The following SLC10A6 variants were observed in gnomAD, a reference collection of about 807,000 sequenced individuals.
The protein encoded by SLC10A6 is solute carrier family 10 member 6.
In SLC10A6, 27 loss-of-function variants were observed where a neutral mutation model predicts 30.0. The observed-to-expected ratio is 0.90, with a 90% CI of 0.66 to 1.24. The LOEUF is 1.24. Among genes scored for constraint, SLC10A6 ranks in the 50% most tolerant of loss-of-function variants. SLC10A6 has a pLI of 0.00. For missense variants in SLC10A6, 439 were observed against 457.0 expected, an observed-to-expected ratio of 0.96 and a Z score of 0.36; for synonymous variants, 166 against 173.8, an observed-to-expected ratio of 0.95 and a Z score of 0.36.
chr4:86,831,646 T>C, intron 3 of SLC10A6, 146 bp downstream of exon 3: 1 of 676,892 alleles, frequency 1.5e-6, no homozygotes. Flanking sequence ...ATATGATCCC[T>C]GGATCCAAAA....
rs116758354 is a variant in SLC10A6, at chr4:86,841,295, G to C, written c.377+7444C>G. Among the ~76,000 whole-genome samples the C allele has an allele frequency of 4.8e-3, 728 of 152,308 alleles. 4 individuals carry two copies. The highest frequency in any genetic ancestry group is 8.3e-3 in the Non-Finnish European group (566 of 68,022). On this transcript the variant is annotated intron_variant, in intron 1 of 5. Transcript: ENST00000273905. ...TTTATACAATTTTCAAGCCCATGGT[G>C]ATCATGATATTGGTCAAGGATGGCA... is the stretch of plus-strand genomic sequence containing the variant.
At chr4:86,823,946 G>A in intron 5 of SLC10A6, 44 bp from the exon 6 acceptor site, 1 of 1,534,772 alleles carries the variant, frequency 6.5e-7, no homozygotes, top group African/African-American at 1.4e-5. Flanking sequence ...CTTTAACAAA[G>A]AGTCTAATTT....
chr4:86,831,791 C>A lies in SLC10A6; in HGVS notation c.585+1G>T, dbSNP rs1347662408. 1 of 1,611,774 alleles carries A rather than the reference C, an allele frequency of 6.2e-7. No homozygotes were observed. The highest frequency in any genetic ancestry group is 1.7e-5 in the Admixed American group (1 of 59,936). On this transcript the variant is annotated splice_donor_variant, in intron 3 of 5. Transcript: ENST00000273905. LOFTEE classifies it high-confidence loss of function. ...CCAACAGTGGCCATGAAGTCACTCACCTTGAGAATGATTTTGGATTGTTTT... is the reference window on the plus strand; with the variant it reads ...CCAACAGTGGCCATGAAGTCACTCAACTTGAGAATGATTTTGGATTGTTTT...
chr4:86,835,062 T>G (rs1354732609), intron 1 of SLC10A6, among the ~76,000 whole-genome samples: 2 of 152,142 alleles, frequency 1.3e-5, no homozygotes, highest in African/African-American at 4.8e-5. Flanking sequence ...GGAATCACAT[T>G]TCAACATGAG....
chr4:86,838,646 G>A (rs964196270), intron 1 of SLC10A6, among the ~76,000 whole-genome samples: 1 of 152,072 alleles, frequency 6.6e-6, no homozygotes, highest in African/African-American at 2.4e-5. Context: ...CTCCCAGCAG[G>A]GCATGGTGGC....
chr4:86,823,942 C>T (rs372175344), intron 5 of SLC10A6, 40 bp from the exon 6 acceptor site: 11 of 1,540,708 alleles, frequency 7.1e-6, no homozygotes, highest in Non-Finnish European at 9.7e-6. Flanking sequence ...ATCACTTTAA[C>T]AAAGAGTCTA....
At position 86,837,327 on chromosome 4, in the gene SLC10A6, A is replaced by G. The variant is rs960867407; in HGVS notation, c.378-3903T>C. 1.1e-3 allele frequency among the ~76,000 whole-genome samples: 145 copies of G among 131,572 alleles called. 18 individuals are homozygous for G. In the East Asian group the frequency reaches 0.022, roughly 20 times the overall value. The allele number at this position is 131,572 out of a possible 152,430, so 86.3% of individuals were successfully genotyped here. Reference sequence around the variant, plus strand: ...GAAGGAAGGAAGGAAGGAAGGAAGGAAGGAAGGAAGGAAGGAAGGCAGGCA... The same window carrying G: ...GAAGGAAGGAAGGAAGGAAGGAAGGGAGGAAGGAAGGAAGGAAGGCAGGCA... On this transcript the variant is annotated intron_variant, in intron 1 of 5. Transcript: ENST00000273905.
chr4:86,826,412 C>CTACCAA (rs1746001038), intron 4 of SLC10A6, among the ~76,000 whole-genome samples: 1 of 152,046 alleles, frequency 6.6e-6, no homozygotes, highest in Non-Finnish European at 1.5e-5. Flanking sequence ...AACCCTGTCC[C>CTACCAA]TACCAAAAAT....
At chr4:86,840,032 CT>C (rs1746265453) in intron 1 of SLC10A6, among the ~76,000 whole-genome samples, 1 of 151,396 alleles carries the variant, frequency 6.6e-6, no homozygotes, top group African/African-American at 2.4e-5. Flanking sequence ...GCCCCAGCCT[CT>C]GGAATAGGTG....
intron 1 of SLC10A6, among the ~76,000 whole-genome samples, chr4:86,835,413 T>C (rs1297096733): frequency 2.6e-5 from 4 of 152,152 alleles, no homozygotes; most frequent in Non-Finnish European, 5.9e-5. Context: ...ATGCCTGTAA[T>C]CCCAGCACTT....
intron 1 of SLC10A6, among the ~76,000 whole-genome samples, chr4:86,846,389 C>T (rs898194943): frequency 2.0e-5 from 3 of 151,624 alleles, no homozygotes; most frequent in Non-Finnish European, 4.4e-5. Flanking sequence ...ACTCTGAATA[C>T]ACACACACAC....
At chr4:86,829,831 G>A (rs1410093020) in intron 3 of SLC10A6, among the ~76,000 whole-genome samples, 1 of 152,022 alleles carries the variant, frequency 6.6e-6, no homozygotes, top group Non-Finnish European at 1.5e-5. Flanking sequence ...AAAGAAAAGA[G>A]TTTTAAATTT....
intron 1 of SLC10A6, among the ~76,000 whole-genome samples, chr4:86,843,810 T>C (rs1291567217): frequency 3.3e-5 from 5 of 152,292 alleles, no homozygotes; most frequent in Middle Eastern, 3.4e-3. Context: ...CAAGTGAGAT[T>C]CTAAGCACTT....
intron 3 of SLC10A6, 100 bp downstream of exon 3, chr4:86,831,692 G>T: frequency 2.2e-6 from 2 of 918,122 alleles, no homozygotes; most frequent in Non-Finnish European, 3.5e-6. Flanking sequence ...TGGGTGTGGG[G>T]CCGTACTCAA....
chr4:86,823,696 A>G lies in SLC10A6; in HGVS notation c.1126T>C (p.Cys376Arg), dbSNP rs779426243. The change falls in exon 6 of 6, where the codon TGT (cysteine) becomes CGT (arginine). Residue 376 changes from cysteine to arginine, a missense_variant. Transcript: ENST00000273905. ...CAGCCAGCTAGTCCCTGCTATTCAC[A>G]TGAAGTGATGTGGCCAACTGGCTCG... ...ALEPVGHITS[C>R]E 2.4e-5 allele frequency: 38 copies of G among 1,606,180 alleles called. No homozygotes were observed. The highest frequency in any genetic ancestry group is 3.1e-5 in the Non-Finnish European group (36 of 1,176,496).
intron 1 of SLC10A6, among the ~76,000 whole-genome samples, chr4:86,842,271 T>C (rs752242914): frequency 5.9e-5 from 9 of 152,206 alleles, no homozygotes; most frequent in Non-Finnish European, 1.2e-4. Context: ...AAGGTCAAAG[T>C]TGGCCACTGA....
At chr4:86,833,977 T>C (rs1308741331) in intron 1 of SLC10A6, among the ~76,000 whole-genome samples, 2 of 152,180 alleles carry the variant, frequency 1.3e-5, no homozygotes, top group Non-Finnish European at 2.9e-5. Flanking sequence ...GCAGCCTTTT[T>C]TCTGTGTCTA....
In SLC10A6 at chr4:86,832,464, G is replaced by A. The variant is rs115835834; in HGVS notation, c.497-584C>T. Reference sequence around the variant, plus strand: ...TCCTAAAATACCAAAAAAATTAGCCGGGTGTGGTGGCCTGCACCTGTAGTA... The same window carrying A: ...TCCTAAAATACCAAAAAAATTAGCCAGGTGTGGTGGCCTGCACCTGTAGTA... On this transcript the variant is annotated intron_variant, in intron 2 of 5. Coordinates refer to ENST00000273905, the MANE Select transcript of SLC10A6 (RefSeq NM_197965.3). 3.6e-3 allele frequency among the ~76,000 whole-genome samples: 547 copies of A among 152,074 alleles called. 8 individuals carry two copies. The highest frequency in any genetic ancestry group is 0.012 in the African/African-American group (512 of 41,496).
intron 3 of SLC10A6, among the ~76,000 whole-genome samples, 157 bp from the exon 4 acceptor site, chr4:86,828,325 A>G (rs530040799): frequency 4.4e-4 from 67 of 152,274 alleles, no homozygotes; most frequent in Admixed American, 1.2e-3. Flanking sequence ...TAGAGGAGAA[A>G]TCTGAGTTCC....
Sources: gnomAD v4.1 joint callset for allele counts (sites outside exome capture counted in the v4.1 genomes callset) on GRCh38, gnomAD v4.1.1 for gene constraint, MANE v1.5 for transcripts, NCBI Gene and HGNC (gene_info 2026-07-23, HGNC 2026-07-21) for gene names.